BRD10: variants seen among roughly 807,000 people sequenced by gnomAD.
BRD10 encodes uncharacterized bromodomain-containing protein 10.
At chr9:5,893,384 C>T in the BRD10 span, among the ~76,000 whole-genome samples, 5 of 152,314 alleles carry the variant, frequency 3.3e-5, no homozygotes, top group Non-Finnish European at 5.9e-5. Flanking sequence ...CCCTGTGAAC[C>T]TGCTCTTTCT....
chr9:5,956,611 T>A, the BRD10 span, among the ~76,000 whole-genome samples: 1 of 152,160 alleles, frequency 6.6e-6, no homozygotes, highest in South Asian at 2.1e-4. Flanking sequence ...TGGTAGGTGA[T>A]CAATAAATGT....
the BRD10 span, chr9:5,920,516 G>A: frequency 6.2e-7 from 1 of 1,613,994 alleles, no homozygotes; most frequent in Non-Finnish European, 8.5e-7. Context: ...TGGCAGAGAA[G>A]CAAAATTGGA....
chr9:5,959,708 G>A, the BRD10 span, among the ~76,000 whole-genome samples: 5 of 152,030 alleles, frequency 3.3e-5, no homozygotes, highest in Admixed American at 6.5e-5. Context: ...TCACAGATAC[G>A]GGCCTGGAAA....
chr9:5,915,070 G>A, the BRD10 span, among the ~76,000 whole-genome samples: 2 of 152,048 alleles, frequency 1.3e-5, no homozygotes, highest in Non-Finnish European at 2.9e-5. Flanking sequence ...AATAGATTTA[G>A]GGGAGGTAAC....
At chr9:5,939,051 T>C in the BRD10 span, among the ~76,000 whole-genome samples, 2 of 152,076 alleles carry the variant, frequency 1.3e-5, no homozygotes, top group Admixed American at 6.5e-5. Flanking sequence ...AAATGGGACA[T>C]GAAATGGAGA....
At chr9:5,899,360 A>C in the BRD10 span, 1 of 152,188 alleles carries the variant, frequency 6.6e-6, no homozygotes, top group East Asian at 1.9e-4. Flanking sequence ...CTTTGCCAAG[A>C]AACTTGGGCA....
the BRD10 span, chr9:5,988,383 C>G: frequency 2.5e-6 from 4 of 1,613,736 alleles, no homozygotes; most frequent in Non-Finnish European, 3.4e-6. Context: ...CTTCCTGTCT[C>G]AAAACTTGAA....
At chr9:5,999,718 C>T in the BRD10 span, among the ~76,000 whole-genome samples, 12 of 152,220 alleles carry the variant, frequency 7.9e-5, no homozygotes, top group Middle Eastern at 3.4e-3. Context: ...GCTCTTTTTG[C>T]CTTTGCACTT....
At chr9:5,904,779 T>C in the BRD10 span, among the ~76,000 whole-genome samples, 3 of 150,578 alleles carry the variant, frequency 2.0e-5, no homozygotes, top group Non-Finnish European at 3.0e-5. Context: ...TACACTTCTT[T>C]TTTTTTTTTT....
At chr9:5,960,513 G>C in the BRD10 span, among the ~76,000 whole-genome samples, 5 of 149,058 alleles carry the variant, frequency 3.4e-5, no homozygotes, top group Non-Finnish European at 7.4e-5. Flanking sequence ...AGTGAGCAGA[G>C]AATGCGCCAA....
chr9:5,909,150 G>C, the BRD10 span: 1 of 162,540 alleles, frequency 6.2e-6, no homozygotes, highest in African/African-American at 2.4e-5. Flanking sequence ...TACTTTTACA[G>C]GTTAAGACAA....
the BRD10 span, among the ~76,000 whole-genome samples, chr9:5,911,859 C>T: frequency 1.3e-5 from 2 of 152,138 alleles, no homozygotes; most frequent in South Asian, 4.2e-4. Flanking sequence ...GGGCTATCCT[C>T]TTTGGCTATT....
the BRD10 span, chr9:5,919,448 T>G: frequency 2.4e-6 from 1 of 416,980 alleles, no homozygotes; most frequent in Non-Finnish European, 4.2e-6. Flanking sequence ...CACAGAACCT[T>G]GAAACCCTCC....
the BRD10 span, among the ~76,000 whole-genome samples, chr9:5,948,794 TTA>T: frequency 5.3e-5 from 8 of 152,120 alleles, no homozygotes; most frequent in African/African-American, 1.9e-4. Context: ...CTGTAATTTA[TTA>T]TAAAAATAAT....
At chr9:5,912,621 G>C in the BRD10 span, among the ~76,000 whole-genome samples, 1 of 152,198 alleles carries the variant, frequency 6.6e-6, no homozygotes, top group Non-Finnish European at 1.5e-5. Flanking sequence ...CTTCAGGAAA[G>C]GGAGATCCTT....
At chr9:5,896,451 C>T in the BRD10 span, among the ~76,000 whole-genome samples, 1 of 152,110 alleles carries the variant, frequency 6.6e-6, no homozygotes, top group Non-Finnish European at 1.5e-5. Flanking sequence ...TGTTTGGAGA[C>T]GGACAGGATA....
At chr9:5,968,577 T>C in the BRD10 span, 2 of 1,613,952 alleles carry the variant, frequency 1.2e-6, no homozygotes, top group Non-Finnish European at 1.7e-6. Context: ...TCCAAGATCA[T>C]TTTAGCAGGA....
At chr9:6,000,488 T>C in the BRD10 span, among the ~76,000 whole-genome samples, 1 of 152,208 alleles carries the variant, frequency 6.6e-6, no homozygotes, top group East Asian at 1.9e-4. Flanking sequence ...CTCCAAGATA[T>C]GATTTTTCTT....
At chr9:6,006,919 G>A in the BRD10 span, among the ~76,000 whole-genome samples, 2 of 152,124 alleles carry the variant, frequency 1.3e-5, no homozygotes, top group South Asian at 4.1e-4. Context: ...TTCTTCCTAC[G>A]GGACCCATTC....
Sources: gnomAD v4.1 joint callset for allele counts (sites outside exome capture counted in the v4.1 genomes callset) on GRCh38, gnomAD v4.1.1 for gene constraint, MANE v1.5 for transcripts, NCBI Gene and HGNC (gene_info 2026-07-23, HGNC 2026-07-21) for gene names.